Variants in ACSM5 observed in about 807,000 individuals in gnomAD.
The protein encoded by ACSM5 is acyl-CoA synthetase medium chain family member 5.
ACSM5 carries 56 observed loss-of-function variants against 71.6 expected under a neutral mutation model. That is an observed-to-expected ratio of 0.78 (90% CI 0.63 to 0.98). The LOEUF (loss-of-function observed/expected upper bound fraction) is 0.98, where lower values mean the gene tolerates loss of function less well. ACSM5 is among the 50% of genes least tolerant of loss of function. The pLI, the probability that ACSM5 is intolerant of heterozygous loss-of-function variation, is 0.00. For missense variants in ACSM5, 723 were observed against 726.0 expected (o/e 1.00, Z 0.05); for synonymous variants, 285 against 281.5 (o/e 1.01, Z -0.12).
chr16:20,436,237 C>T (rs1967196165), intron 10 of ACSM5, among the ~76,000 whole-genome samples: 1 of 145,374 alleles, frequency 6.9e-6, no homozygotes, highest in Admixed American at 6.9e-5. Context: ...CCCTTCCCTC[C>T]CCACTCTCCT....
At chr16:20,427,216 C>T (rs1325763508) in intron 6 of ACSM5, among the ~76,000 whole-genome samples, 1 of 152,084 alleles carries the variant, frequency 6.6e-6, no homozygotes, top group Non-Finnish European at 1.5e-5. Context: ...CAGAGAATTG[C>T]TTGAACCCGG....
intron 4 of ACSM5, among the ~76,000 whole-genome samples, chr16:20,420,263 C>A (rs1966872248): frequency 6.6e-6 from 1 of 152,178 alleles, no homozygotes; most frequent in Non-Finnish European, 1.5e-5. Flanking sequence ...ACCTACTTAA[C>A]CAGACACAGC....
At chr16:20,426,734 G>C (rs546028015) in intron 6 of ACSM5, among the ~76,000 whole-genome samples, 1 of 152,182 alleles carries the variant, frequency 6.6e-6, no homozygotes, top group Admixed American at 6.5e-5. Context: ...AAGTACAATG[G>C]TGTTTACCAG....
chr16:20,432,327 A>G (rs1967114666), intron 10 of ACSM5, among the ~76,000 whole-genome samples: 1 of 152,200 alleles, frequency 6.6e-6, no homozygotes, highest in Non-Finnish European at 1.5e-5. Context: ...ACTGCTTAAT[A>G]GAAATGCCAT....
intron 4 of ACSM5, chr16:20,419,665 T>C: frequency 1.8e-6 from 1 of 562,956 alleles, no homozygotes; most frequent in Non-Finnish European, 3.2e-6. Context: ...CATTTGCTTC[T>C]ATAATGCGGT....
At chr16:20,416,988 C>A (rs1966857750) in intron 2 of ACSM5, among the ~76,000 whole-genome samples, 1 of 136,732 alleles carries the variant, frequency 7.3e-6, no homozygotes, top group South Asian at 2.3e-4. Flanking sequence ...AAATCCTAGC[C>A]ACAAGGAGAT....
intron 12 of ACSM5, among the ~76,000 whole-genome samples, chr16:20,438,680 A>T (rs1207698927): frequency 6.6e-6 from 1 of 151,642 alleles, no homozygotes; most frequent in Non-Finnish European, 1.5e-5. Flanking sequence ...CATAAGCCGG[A>T]CACGGTGGCT....
rs1037089982 is a variant in ACSM5 at position 20,427,650 on chromosome 16, A to G, written c.922-138A>G. On this transcript the variant is annotated intron_variant, in intron 6 of 13. Coordinates refer to ENST00000331849, the MANE Select transcript of ACSM5 (RefSeq NM_017888.3). Reference sequence around the variant, plus strand: ...CAGGAAGTAGGAGTCACTGGACACCATCTTGGCTGCTGGATTCCACACATA... The same window carrying G: ...CAGGAAGTAGGAGTCACTGGACACCGTCTTGGCTGCTGGATTCCACACATA... The G allele has an allele frequency of 3.1e-5, 22 of 712,214 alleles. No homozygotes were observed. The African/African-American group carries it at 3.5e-4, about 11-fold the overall frequency. 44.1% of individuals were successfully genotyped at this position (712,214 alleles called of 1,614,324 possible). A position where few individuals can be genotyped will look rare whatever the true frequency, so the allele number is the denominator to read the frequency against.
rs537593995 is a variant in ACSM5 at position 20,440,495 on chromosome 16, T to C, written c.*68T>C. ...AAGAAACTAATGGATCACTGGTCAG[T>C]CCCCATGGGGAGCATCATCTCTTCG... On this transcript the variant is annotated 3_prime_UTR_variant, in exon 14 of 14. Coordinates refer to ENST00000331849, the MANE Select transcript of ACSM5 (RefSeq NM_017888.3). 40 of 1,396,726 alleles carry C rather than the reference T, an allele frequency of 2.9e-5. 1 individual carries two copies. Among genetic ancestry groups the C allele is most frequent in the South Asian group, 1.8e-4 (16 of 86,596 alleles). The allele number at this position is 1,396,726 out of a possible 1,614,324, so 86.5% of individuals were successfully genotyped here. A position where few individuals can be genotyped will look rare whatever the true frequency, so the allele number is the denominator to read the frequency against.
chr16:20,417,330 A>G (rs2141642748), intron 2 of ACSM5, among the ~76,000 whole-genome samples: 1 of 152,362 alleles, frequency 6.6e-6, no homozygotes, highest in South Asian at 2.1e-4. Context: ...GAATGGATAA[A>G]CAAAATGTGG....
In ACSM5 at chr16:20,434,325, C is replaced by A. The variant is rs1277835456; in HGVS notation, c.1309-2727C>A. Among the ~76,000 whole-genome samples the A allele has an allele frequency of 2.6e-5, 4 of 152,104 alleles. No homozygotes were observed. The East Asian group carries it at 7.7e-4, about 29-fold the overall frequency. On this transcript the variant is annotated intron_variant, in intron 10 of 13. Transcript: ENST00000331849. ...AGATAGGGGTCTATTTTATTTTTTT[C>A]TATATGAAAAGCCAATTTGTTGAAT...
At position 20,424,793 on chromosome 16, in the gene ACSM5, C is replaced by T. The variant is rs185549132; in HGVS notation, c.921+724C>T. ...GATACATTTCTCTATAGATTTGCTG[C>T]GAGAATGAAATGATACAAGGCAAAG... On this transcript the variant is annotated intron_variant, in intron 6 of 13. Coordinates refer to ENST00000331849, the MANE Select transcript of ACSM5 (RefSeq NM_017888.3). Among the ~76,000 whole-genome samples, 19 of 152,200 alleles carry T rather than the reference C, an allele frequency of 1.2e-4. No homozygotes were observed. The South Asian group carries it at 2.1e-3, about 17-fold the overall frequency.
chr16:20,423,954 A>G lies in ACSM5; in HGVS notation c.806A>G (p.Asn269Ser). 1.2e-6 allele frequency: 2 copies of G among 1,614,200 alleles called. No individual in the cohort carries two copies. Among genetic ancestry groups the G allele is most frequent in the Non-Finnish European group, 1.7e-6 (2 of 1,180,008 alleles). The change falls in exon 6 of 14, where the codon AAC becomes AGC. Residue 269 changes from asparagine (N) to serine (S), a missense_variant. Transcript: ENST00000331849. ...TTGACCGAATCTGACATCTTCTGGA[A>G]CACGACTGACACTGGCTGGGTGAAG... ...VALTESDIFW[N>S]TTDTGWVKAA...
chr16:20,427,435 A>T (rs910074356), intron 6 of ACSM5, among the ~76,000 whole-genome samples: 2 of 152,244 alleles, frequency 1.3e-5, no homozygotes, highest in Non-Finnish European at 2.9e-5. Flanking sequence ...CATACTCAAA[A>T]CATGGTGGCT....
intron 10 of ACSM5, among the ~76,000 whole-genome samples, chr16:20,434,667 C>T (rs1287735653): frequency 6.6e-6 from 1 of 152,210 alleles, no homozygotes; most frequent in Non-Finnish European, 1.5e-5. Context: ...GCACTCCAGC[C>T]TGGGCAATAG....
intron 6 of ACSM5, among the ~76,000 whole-genome samples, chr16:20,427,527 A>T (rs1302592642): frequency 6.6e-6 from 1 of 152,226 alleles, no homozygotes; most frequent in Admixed American, 6.5e-5. Flanking sequence ...GTATAACCGA[A>T]TCTTGAAAGT....
At chr16:20,426,814 A>G (rs2141652807) in intron 6 of ACSM5, among the ~76,000 whole-genome samples, 1 of 152,290 alleles carries the variant, frequency 6.6e-6, no homozygotes, top group South Asian at 2.1e-4. Context: ...GAAGATAAAA[A>G]TAGTTCTGGA....
At chr16:20,414,750 G>A (rs906092474) in intron 2 of ACSM5, among the ~76,000 whole-genome samples, 1 of 152,114 alleles carries the variant, frequency 6.6e-6, no homozygotes, top group African/African-American at 2.4e-5. Flanking sequence ...GAATTTTGAG[G>A]AGCACGGAAA....
intron 12 of ACSM5, among the ~76,000 whole-genome samples, chr16:20,438,081 G>A (rs1042702032): frequency 1.3e-5 from 2 of 151,790 alleles, no homozygotes; most frequent in Non-Finnish European, 2.9e-5. Context: ...CACCCACCCC[G>A]GCTCCCAAAG....
Sources: allele counts gnomAD v4.1 joint callset (sites outside exome capture counted in the v4.1 genomes callset), GRCh38; gene constraint gnomAD v4.1.1; transcripts MANE v1.5; gene names NCBI Gene and HGNC (gene_info 2026-07-23, HGNC 2026-07-21).